DIS3L2: variants seen among roughly 807,000 people sequenced by gnomAD.
DIS3L2 encodes the protein DIS3-like exonuclease 2.
DIS3L2 carries 34 observed loss-of-function variants against 97.5 expected under a neutral mutation model. The ratio of observed to expected loss-of-function variants is 0.35; its 90% CI spans 0.27 to 0.46. The LOEUF (loss-of-function observed/expected upper bound fraction) is 0.46. Among genes scored for constraint, DIS3L2 ranks in the 20% least tolerant of loss-of-function variants. The pLI is 1.00. For missense variants in DIS3L2, 1,038 were observed against 1,146.0 expected (o/e 0.91, Z 1.36); for synonymous variants, 435 against 445.2 (o/e 0.98, Z 0.29).
intron 6 of DIS3L2, among the ~76,000 whole-genome samples, chr2:232,093,870 C>G (rs1441782108): frequency 6.6e-6 from 1 of 152,066 alleles, no homozygotes; most frequent in Admixed American, 6.5e-5. Flanking sequence ...TACTTCTGCT[C>G]TGACCTTTAT....
At chr2:232,308,228 G>A (rs1044878777) in intron 14 of DIS3L2, among the ~76,000 whole-genome samples, 1 of 152,182 alleles carries the variant, frequency 6.6e-6, no homozygotes, top group African/African-American at 2.4e-5. Context: ...TGCCTGATTG[G>A]CCCTTGTAGT....
downstream of DIS3L2, among the ~76,000 whole-genome samples, chr2:232,337,827 C>T (rs1330292307): frequency 6.6e-6 from 1 of 151,650 alleles, no homozygotes; most frequent in East Asian, 1.9e-4. Flanking sequence ...GGTACTGCTG[C>T]CTTTGTCCTG....
Position 232,293,585 on chromosome 2 carries a change from T to C in DIS3L2, c.1660-6455T>C, listed in dbSNP as rs1158516309. 2.6e-5 allele frequency among the ~76,000 whole-genome samples: 4 copies of C among 152,134 alleles called. No individual in the cohort carries two copies. The highest frequency in any genetic ancestry group is 5.9e-5 in the Non-Finnish European group (4 of 68,008). Reference sequence around the variant, plus strand: ...GAAGTGGACCGCGTCGGGGAGTGCATGGAGCTCTGCAGGAGCTGGAGAGTG... The same window carrying C: ...GAAGTGGACCGCGTCGGGGAGTGCACGGAGCTCTGCAGGAGCTGGAGAGTG... On this transcript the variant is annotated intron_variant, in intron 13 of 20. Transcript: ENST00000325385. This position sits in a 1 kb window ranked among gnomAD's most constrained non-coding sequence, Gnocchi z 4.6.
chr2:232,168,357 A>C (rs564539012), intron 9 of DIS3L2, among the ~76,000 whole-genome samples: 3 of 152,346 alleles, frequency 2.0e-5, no homozygotes, highest in Non-Finnish European at 2.9e-5. Flanking sequence ...TTTTGAAATT[A>C]TAATGTGGCT....
intron 9 of DIS3L2, 117 bp downstream of exon 9, chr2:232,163,749 A>T (rs977412304): frequency 8.2e-7 from 1 of 1,225,300 alleles, no homozygotes; most frequent in Non-Finnish European, 1.1e-6. Flanking sequence ...TCAGTTGGGA[A>T]TAGGTGCTTC....
intron 6 of DIS3L2, among the ~76,000 whole-genome samples, chr2:232,103,360 A>T (rs566961986): frequency 6.6e-6 from 1 of 152,290 alleles, no homozygotes; most frequent in South Asian, 2.1e-4. Flanking sequence ...AATGCTGGTT[A>T]TTGGCTTGAG....
intron 5 of DIS3L2, among the ~76,000 whole-genome samples, chr2:232,048,428 G>A (rs1176111743): frequency 6.6e-6 from 1 of 152,072 alleles, no homozygotes; most frequent in Non-Finnish European, 1.5e-5. Context: ...AAAAAATCTT[G>A]TGGGCACTTA....
intron 9 of DIS3L2, among the ~76,000 whole-genome samples, chr2:232,167,593 C>A (rs1217395925): frequency 6.6e-6 from 1 of 152,154 alleles, no homozygotes; most frequent in Non-Finnish European, 1.5e-5. Flanking sequence ...TTTCTCAGTC[C>A]TATTCGCCAA....
intron 1 of DIS3L2, among the ~76,000 whole-genome samples, chr2:231,977,609 C>T (rs966408916): frequency 2.0e-5 from 3 of 152,120 alleles, no homozygotes; most frequent in Non-Finnish European, 2.9e-5. Context: ...TCGGGGACTT[C>T]GAAACTTCTG....
intron 14 of DIS3L2, among the ~76,000 whole-genome samples, chr2:232,310,405 A>G (rs1469139202): frequency 6.6e-6 from 1 of 152,198 alleles, no homozygotes; most frequent in Non-Finnish European, 1.5e-5. Context: ...TGGCATCAGC[A>G]TGATGCAGGC....
At chr2:232,046,264 C>G (rs9636277) in intron 5 of DIS3L2, among the ~76,000 whole-genome samples, 1 of 152,110 alleles carries the variant, frequency 6.6e-6, no homozygotes, top group Non-Finnish European at 1.5e-5. Flanking sequence ...CTAATACATA[C>G]TTGGTGTTGG....
rs143059632 is a variant in DIS3L2 at position 232,330,804 on chromosome 2, C to G, written c.2010+28C>G. ...AAGGAGGGCCCAGCCCCGGCCTCCC[C>G]TGCTCCCAGGAGCACACTAGCCCCA... On this transcript the variant is annotated intron_variant, in intron 16 of 20. Coordinates refer to ENST00000325385, the MANE Select transcript of DIS3L2 (RefSeq NM_152383.5). 5,270 of 1,601,324 alleles carry G rather than the reference C, an allele frequency of 3.3e-3. 12 individuals carry two copies. Among genetic ancestry groups the G allele is most frequent in the Non-Finnish European group, 4.2e-3 (4,984 of 1,176,994 alleles).
chr2:232,189,564 G>T (rs1168444019), intron 9 of DIS3L2, among the ~76,000 whole-genome samples: 2 of 152,214 alleles, frequency 1.3e-5, no homozygotes, highest in East Asian at 3.8e-4. Flanking sequence ...CAGATTCGTA[G>T]TTGCCAAGAT....
intron 1 of DIS3L2, among the ~76,000 whole-genome samples, chr2:231,996,205 T>G (rs1693726284): frequency 1.3e-5 from 2 of 152,260 alleles, no homozygotes; most frequent in Admixed American, 6.5e-5. Context: ...GTCCAGGCAA[T>G]TCCTGTTTTT....
intron 12 of DIS3L2, among the ~76,000 whole-genome samples, chr2:232,254,076 C>G (rs1033982475): frequency 2.6e-5 from 4 of 152,142 alleles, no homozygotes; most frequent in African/African-American, 4.8e-5. Context: ...TGGACATTTT[C>G]TTATATACCA....
chr2:232,282,973 G>A (rs1694335204), intron 13 of DIS3L2, among the ~76,000 whole-genome samples: 1 of 152,162 alleles, frequency 6.6e-6, no homozygotes, highest in Admixed American at 6.5e-5. Context: ...AAAGAAAGAG[G>A]AAGAATAACC....
chr2:232,336,054 C>T, intron 20 of DIS3L2, 180 bp downstream of exon 20: 2 of 1,529,860 alleles, frequency 1.3e-6, no homozygotes, highest in South Asian at 1.2e-5. Context: ...TGCTTTCTGG[C>T]ACCACCTTCC....
chr2:232,230,400 A>C (rs796142740), intron 10 of DIS3L2, among the ~76,000 whole-genome samples: 10 of 152,326 alleles, frequency 6.6e-5, no homozygotes, highest in African/African-American at 2.4e-4. Flanking sequence ...CCTTTCGCTC[A>C]GCCCCCTTGG....
At chr2:231,968,300 G>T (rs968213520) in intron 1 of DIS3L2, among the ~76,000 whole-genome samples, 1 of 152,092 alleles carries the variant, frequency 6.6e-6, no homozygotes, top group African/African-American at 2.4e-5. Flanking sequence ...GTTTCATTGT[G>T]TTAGCTAGGA....
Sources: gnomAD v4.1 joint callset for allele counts (sites outside exome capture counted in the v4.1 genomes callset) on GRCh38, gnomAD v4.1.1 for gene constraint, Gnocchi (gnomAD v3.1) non-coding constraint, MANE v1.5 for transcripts, NCBI Gene and HGNC (gene_info 2026-07-23, HGNC 2026-07-21) for gene names.